FAM193A: variants seen among roughly 807,000 people sequenced by gnomAD.
The protein encoded by FAM193A is family with sequence similarity 193 member A, also known as protein FAM193A.
FAM193A carries 22 observed loss-of-function variants against 126.5 expected under a neutral mutation model. That is an observed-to-expected ratio of 0.17 (90% CI 0.12 to 0.25). The LOEUF is 0.25. Among genes scored for constraint, FAM193A ranks in the 10% least tolerant of loss-of-function variants. The pLI, the probability that FAM193A is intolerant of heterozygous loss-of-function variation, is 1.00. For synonymous variants in FAM193A, 761 were observed against 646.8 expected, an observed-to-expected ratio of 1.18 and a Z score of -2.68; for missense variants, 1,675 against 1,672.8, an observed-to-expected ratio of 1.00 and a Z score of -0.02.
chr4:2,627,905 G>A (rs1194207644), intron 4 of FAM193A, among the ~76,000 whole-genome samples: 3 of 152,026 alleles, frequency 2.0e-5, no homozygotes, highest in African/African-American at 7.2e-5. Context: ...ACCACGCCCA[G>A]CTAATTTTTT....
chr4:2,578,649 C>A (rs755760714), intron 1 of FAM193A, among the ~76,000 whole-genome samples: 3 of 152,068 alleles, frequency 2.0e-5, no homozygotes, highest in Non-Finnish European at 4.4e-5. Flanking sequence ...TTTCAACTCT[C>A]CAAAACCTTA....
chr4:2,612,130 C>T (rs978637711), intron 2 of FAM193A, among the ~76,000 whole-genome samples: 5 of 151,840 alleles, frequency 3.3e-5, no homozygotes, highest in East Asian at 2.0e-4. Flanking sequence ...GCCACCGCGC[C>T]CGGCTCCAAT....
At chr4:2,708,240 C>CT in intron 19 of FAM193A, 1 of 420,092 alleles carries the variant, frequency 2.4e-6, no homozygotes, top group Non-Finnish European at 4.8e-6. Context: ...ATTGTGCTGC[C>CT]TCAGCCTCCC....
intron 19 of FAM193A, among the ~76,000 whole-genome samples, chr4:2,701,264 C>T (rs952334824): frequency 2.1e-4 from 32 of 150,438 alleles, no homozygotes; most frequent in African/African-American, 7.6e-4. Context: ...CTCCAATTGT[C>T]CTTTTAACAT....
intron 19 of FAM193A, among the ~76,000 whole-genome samples, chr4:2,709,705 AAAAACAAAAC>A (rs369948533): frequency 1.3e-5 from 2 of 151,940 alleles, no homozygotes; most frequent in African/African-American, 2.4e-5. Context: ...ACTCCACCTC[AAAAACAAAAC>A]AAAACAAAAC....
At chr4:2,579,086 C>T (rs1259916727) in intron 1 of FAM193A, among the ~76,000 whole-genome samples, 1 of 152,026 alleles carries the variant, frequency 6.6e-6, no homozygotes, top group East Asian at 1.9e-4. Context: ...TCTTGAACTC[C>T]TGGCTTCAAG....
chr4:2,602,543 G>C (rs1438251855), intron 2 of FAM193A, among the ~76,000 whole-genome samples: 1 of 151,930 alleles, frequency 6.6e-6, no homozygotes, highest in Non-Finnish European at 1.5e-5. Context: ...AGTACAGATG[G>C]GGTTTCACCA....
At chr4:2,691,891 C>G (rs1716428838) in intron 15 of FAM193A, among the ~76,000 whole-genome samples, 1 of 152,124 alleles carries the variant, frequency 6.6e-6, no homozygotes, top group Non-Finnish European at 1.5e-5. Flanking sequence ...GCTCCTTCTT[C>G]TAAAAGCACA....
At chr4:2,711,379 G>A (rs962164716) in intron 19 of FAM193A, among the ~76,000 whole-genome samples, 11 of 151,384 alleles carry the variant, frequency 7.3e-5, no homozygotes, top group African/African-American at 1.7e-4. Flanking sequence ...TCTCTCTGTC[G>A]CCCAGATTGG....
chr4:2,613,681 C>T (rs868159186), intron 2 of FAM193A, among the ~76,000 whole-genome samples: 5 of 151,422 alleles, frequency 3.3e-5, no homozygotes, highest in South Asian at 2.1e-4. Context: ...CTCGAACTCC[C>T]GACCTCGGGT....
At chr4:2,589,996 A>G (rs866148949) in intron 1 of FAM193A, among the ~76,000 whole-genome samples, 9 of 151,896 alleles carry the variant, frequency 5.9e-5, no homozygotes, top group African/African-American at 9.7e-5. Flanking sequence ...CTAGCCGGGC[A>G]TGGTGGCGCA....
chr4:2,625,206 T>C, intron 2 of FAM193A, 56 bp from the exon 3 acceptor site: 1 of 627,810 alleles, frequency 1.6e-6, no homozygotes, highest in South Asian at 1.7e-5. Context: ...TAATAAAAAA[T>C]TGATGCCGTG....
intron 1 of FAM193A, among the ~76,000 whole-genome samples, chr4:2,577,094 C>A (rs1051215412): frequency 6.6e-6 from 1 of 152,162 alleles, no homozygotes; most frequent in Non-Finnish European, 1.5e-5. Context: ...AACACCTGAA[C>A]TTTTTTGAGA....
Position 2,690,842 on chromosome 4 carries a change from C to A in FAM193A, c.2675C>A (p.Ala892Asp). The A allele has an allele frequency of 6.2e-7, 1 of 1,614,192 alleles. No homozygotes were observed. Among genetic ancestry groups the A allele is most frequent in the Non-Finnish European group, 8.5e-7 (1 of 1,180,022 alleles). The change falls in exon 15 of 21, where the codon GCT becomes GAT. Residue 892 changes from alanine (A) to aspartate (D), a missense_variant. Physicochemically the swap from Ala to Asp is moderately radical, Grantham distance 126. Transcript: ENST00000637812. ...KKKCLYNFQD[A>D]FMEANKVVMA... Reference sequence around the variant, plus strand: ...AAATGTTTATACAATTTCCAAGATGCTTTCATGGAAGCAAATAAAGTTGTC... The same window carrying A: ...AAATGTTTATACAATTTCCAAGATGATTTCATGGAAGCAAATAAAGTTGTC...
At chr4:2,538,441 C>T (rs911933516) in intron 1 of FAM193A, among the ~76,000 whole-genome samples, 9 of 152,120 alleles carry the variant, frequency 5.9e-5, no homozygotes, top group African/African-American at 2.2e-4. Flanking sequence ...GATCCGCCCA[C>T]CTTGGCGTCC....
intron 5 of FAM193A, 29 bp from the exon 6 acceptor site, chr4:2,639,704 TTC>T: frequency 6.3e-7 from 1 of 1,593,158 alleles, no homozygotes; most frequent in Non-Finnish European, 8.6e-7. Flanking sequence ...TCACTACATC[TTC>T]TGTTTATCTT....
intron 6 of FAM193A, 64 bp downstream of exon 6, chr4:2,639,923 T>C: frequency 6.6e-7 from 1 of 1,525,576 alleles, no homozygotes; most frequent in Non-Finnish European, 9.0e-7. Context: ...TCCTGACTGG[T>C]GTGCGTGTAC....
rs1577221624 is a variant in FAM193A at position 2,695,148 on chromosome 4, C to G, written c.3276+19C>G. ...CGGCGGGGTGAGTGCATGAGGTCAG[C>G]GCATCATGATGTGGGAAGTGTGCAA... On this transcript the variant is annotated intron_variant, in intron 17 of 20. Transcript: ENST00000637812. 17 of 1,558,860 alleles carry G rather than the reference C, an allele frequency of 1.1e-5. No individual in the cohort carries two copies. The highest frequency in any genetic ancestry group is 1.5e-5 in the Non-Finnish European group (17 of 1,152,446).
intron 1 of FAM193A, among the ~76,000 whole-genome samples, chr4:2,575,968 T>A (rs992974438): frequency 6.6e-6 from 1 of 152,086 alleles, no homozygotes; most frequent in Non-Finnish European, 1.5e-5. Flanking sequence ...ATGTCTCAGG[T>A]GAGTTAGACA....
Sources: gnomAD v4.1 joint callset for allele counts (sites outside exome capture counted in the v4.1 genomes callset) on GRCh38, gnomAD v4.1.1 for gene constraint, MANE v1.5 for transcripts, NCBI Gene and HGNC (gene_info 2026-07-23, HGNC 2026-07-21) for gene names.